Variants in SH3PXD2B observed in about 807,000 individuals in gnomAD.
The protein encoded by SH3PXD2B is SH3 and PX domains 2B, also known as SH3 and PX domain-containing protein 2B.
SH3PXD2B carries 37 observed loss-of-function variants against 73.1 expected under a neutral mutation model. The observed-to-expected ratio is 0.51, with a 90% CI of 0.39 to 0.67. The LOEUF is 0.67. Among genes scored for constraint, SH3PXD2B ranks in the 30% least tolerant of loss-of-function variants. SH3PXD2B has a pLI of 0.00. For missense variants in SH3PXD2B, 1,053 were observed against 1,197.8 expected (o/e 0.88, Z 1.78); for synonymous variants, 457 against 480.5 (o/e 0.95, Z 0.64).
chr5:172,338,542 A>C lies in SH3PXD2B; in HGVS notation c.2563T>G (p.Tyr855Asp). The C allele has an allele frequency of 6.2e-7, 1 of 1,614,156 alleles. No individual in the cohort carries two copies. Among genetic ancestry groups the C allele is most frequent in the Non-Finnish European group, 8.5e-7 (1 of 1,180,008 alleles). Reference sequence around the variant, plus strand: ...CCTTCAAAGTCGGCCACGGCCACATACAAAGAGTCCTTCAGGCCGTCGGCA... The same window carrying C: ...CCTTCAAAGTCGGCCACGGCCACATCCAAAGAGTCCTTCAGGCCGTCGGCA... ...PNADGLKDSL[Y>D]VAVADFEGDK... Residue 855 changes from tyrosine (Y) to aspartate (D), a missense_variant, in exon 13 of 13, where the codon TAT becomes GAT. Coordinates refer to ENST00000311601, the MANE Select transcript of SH3PXD2B (RefSeq NM_001017995.3). This position sits in a 1 kb window ranked among gnomAD's most constrained non-coding sequence, Gnocchi z 5.1.
rs1198743449 is a variant in SH3PXD2B, at chr5:172,337,947, AG to A, written c.*421del. On this transcript the variant is annotated 3_prime_UTR_variant, in exon 13 of 13. Transcript: ENST00000311601. ...AGAAACATGAAGAAGTTGGAGCAAA[AG>A]TCATCATGGACTGGGTTGGCTGCCC... 6.1e-5 allele frequency: 64 copies of A among 1,055,064 alleles called. No homozygotes were observed. Among genetic ancestry groups the A allele is most frequent in the Non-Finnish European group, 7.1e-5 (62 of 873,256 alleles). The allele number at this position is 1,055,064 out of a possible 1,614,324, so 65.4% of individuals were successfully genotyped here.
rs189548007 is a variant in SH3PXD2B at position 172,392,444 on chromosome 5, C to T, written c.309+2119G>A. Among the ~76,000 whole-genome samples, 825 of 152,216 alleles carry T rather than the reference C, an allele frequency of 5.4e-3. 13 individuals are homozygous for T. The highest frequency in any genetic ancestry group is 0.019 in the African/African-American group (789 of 41,516). On this transcript the variant is annotated intron_variant, in intron 4 of 12. Coordinates refer to ENST00000311601, the MANE Select transcript of SH3PXD2B (RefSeq NM_001017995.3). The stretch of plus-strand genomic sequence containing the variant: ...GCTATGCAGCCCTAGGAAACGAATG[C>T]AACAGGTGACTATCTCAACTGTTTG...
At chr5:172,450,228 G>A (rs944690321) in intron 1 of SH3PXD2B, among the ~76,000 whole-genome samples, 1 of 150,832 alleles carries the variant, frequency 6.6e-6, no homozygotes, top group African/African-American at 2.4e-5. Flanking sequence ...CAAGAAAGCT[G>A]TTAAAAAAAA....
rs562102768 is a variant in SH3PXD2B, at chr5:172,453,998, G to A, written c.75+280C>T. 1.3e-4 allele frequency among the ~76,000 whole-genome samples: 20 copies of A among 152,028 alleles called. 1 individual carries two copies. The South Asian group carries it at 2.9e-3, about 22-fold the overall frequency. ...AGCAGGACGGGAGTTGGGGGGACACGGAGAAGACAGAAAGGGGTAGAGGAG... is the reference window on the plus strand; with the variant it reads ...AGCAGGACGGGAGTTGGGGGGACACAGAGAAGACAGAAAGGGGTAGAGGAG... On this transcript the variant is annotated intron_variant, in intron 1 of 12. Transcript: ENST00000311601.
intron 1 of SH3PXD2B, among the ~76,000 whole-genome samples, chr5:172,446,375 C>T (rs1220793326): frequency 3.3e-5 from 5 of 152,190 alleles, no homozygotes; most frequent in Admixed American, 6.5e-5. Context: ...GTTGAACCCA[C>T]CAGACTAACA....
Position 172,350,246 on chromosome 5 carries a change from G to A in SH3PXD2B, c.1012+117C>T, listed in dbSNP as rs1033381599. On this transcript the variant is annotated intron_variant, in intron 10 of 12. Coordinates refer to ENST00000311601, the MANE Select transcript of SH3PXD2B (RefSeq NM_001017995.3). ...TTTCTGGGCCTCTGTTTTCTTATCT[G>A]GAGGATGGGGGAGCAGCTGGGCTGC... 12 of 977,734 alleles carry A rather than the reference G, an allele frequency of 1.2e-5. No homozygotes were observed. In the South Asian group the frequency reaches 1.3e-4, roughly 10 times the overall value. 60.6% of individuals were successfully genotyped at this position (977,734 alleles called of 1,614,324 possible).
chr5:172,409,647 T>C (rs1403586314), intron 2 of SH3PXD2B, among the ~76,000 whole-genome samples: 1 of 152,192 alleles, frequency 6.6e-6, no homozygotes, highest in Admixed American at 6.5e-5. Context: ...AATGACAGGA[T>C]TTCCTTATTT....
intron 11 of SH3PXD2B, among the ~76,000 whole-genome samples, chr5:172,346,924 G>T (rs1162311066): frequency 6.6e-6 from 1 of 152,196 alleles, no homozygotes; most frequent in Non-Finnish European, 1.5e-5. Context: ...TGGATTATGA[G>T]CGCAGAATAT....
chr5:172,394,387 C>G (rs564018992), intron 4 of SH3PXD2B, among the ~76,000 whole-genome samples, 176 bp downstream of exon 4: 3 of 151,034 alleles, frequency 2.0e-5, no homozygotes, highest in African/African-American at 7.4e-5. Context: ...TATGTAAAAC[C>G]CTTAATAACT....
chr5:172,337,569 T>C lies in SH3PXD2B; in HGVS notation c.*800A>G. On this transcript the variant is annotated 3_prime_UTR_variant, in exon 13 of 13. Coordinates refer to ENST00000311601, the MANE Select transcript of SH3PXD2B (RefSeq NM_001017995.3). ...CTTATTCAAACAAACTTTGAGATTC[T>C]TGCTTTAGGTAGGCAAAAATGAAAT... The C allele has an allele frequency of 1.0e-6, 1 of 985,592 alleles. No homozygotes were observed. Among genetic ancestry groups the C allele is most frequent in the Non-Finnish European group, 1.2e-6 (1 of 830,036 alleles). 61.1% of individuals were successfully genotyped at this position (985,592 alleles called of 1,614,324 possible). A position where few individuals can be genotyped will look rare whatever the true frequency, so the allele number is the denominator to read the frequency against.
chr5:172,366,062 C>A (rs1757513104), intron 6 of SH3PXD2B, among the ~76,000 whole-genome samples: 1 of 152,200 alleles, frequency 6.6e-6, no homozygotes, highest in African/African-American at 2.4e-5. Context: ...CAGGTTGGTG[C>A]CTGCACCTGC....
intron 1 of SH3PXD2B, among the ~76,000 whole-genome samples, chr5:172,427,303 G>T (rs1759117414): frequency 6.6e-6 from 1 of 152,188 alleles, no homozygotes; most frequent in South Asian, 2.1e-4. Context: ...TATAGACATA[G>T]AAAGGAGGAT....
intron 1 of SH3PXD2B, among the ~76,000 whole-genome samples, chr5:172,424,815 T>C (rs888736400): frequency 2.0e-5 from 3 of 151,708 alleles, no homozygotes; most frequent in Non-Finnish European, 4.4e-5. Context: ...GCATACAGAG[T>C]TGTGATTAGC....
intron 6 of SH3PXD2B, 139 bp from the exon 7 acceptor site, chr5:172,363,008 C>T (rs1315881040): frequency 1.4e-5 from 16 of 1,163,188 alleles, no homozygotes; most frequent in East Asian, 2.4e-5. Flanking sequence ...GTGACTTCAT[C>T]CATTCATTGT....
At chr5:172,325,263 C>T (rs1291223379) in exon 13 of SH3PXD2B, 6 of 1,524,224 alleles carry the variant, frequency 3.9e-6, no homozygotes, top group Non-Finnish European at 5.3e-6. Flanking sequence ...GCAGCAAGGA[C>T]ATGACGTGGT....
intron 12 of SH3PXD2B, among the ~76,000 whole-genome samples, chr5:172,345,136 A>G (rs1283701926): frequency 3.4e-5 from 5 of 146,110 alleles, no homozygotes; most frequent in African/African-American, 1.3e-4. Flanking sequence ...GAAGGAAGGA[A>G]TGAAGGCGTG....
chr5:172,414,668 C>T (rs531979568), intron 2 of SH3PXD2B, among the ~76,000 whole-genome samples: 53 of 152,256 alleles, frequency 3.5e-4, no homozygotes, highest in Non-Finnish European at 6.6e-4. Flanking sequence ...TCTGGCACAG[C>T]GTGCGGAGCA....
At chr5:172,328,411 C>CTGATT (rs1756486551) in intron 12 of SH3PXD2B, among the ~76,000 whole-genome samples, 1 of 152,042 alleles carries the variant, frequency 6.6e-6, no homozygotes, top group Non-Finnish European at 1.5e-5. Context: ...GCCGCCTAGG[C>CTGATT]TGATTTTAAA....
At chr5:172,440,127 C>T (rs932775268) in intron 1 of SH3PXD2B, among the ~76,000 whole-genome samples, 3 of 152,192 alleles carry the variant, frequency 2.0e-5, no homozygotes, top group Non-Finnish European at 2.9e-5. Context: ...AGGAAACAGA[C>T]CTGGGTGAAA....
Sources: gnomAD v4.1 joint callset for allele counts (sites outside exome capture counted in the v4.1 genomes callset) on GRCh38, gnomAD v4.1.1 for gene constraint, Gnocchi (gnomAD v3.1) non-coding constraint, MANE v1.5 for transcripts, NCBI Gene and HGNC (gene_info 2026-07-23, HGNC 2026-07-21) for gene names.